CCDC60: variants seen among roughly 807,000 people sequenced by gnomAD.
CCDC60 encodes coiled-coil domain-containing protein 60.
CCDC60 carries 54 observed loss-of-function variants against 63.5 expected under a neutral mutation model. That is an observed-to-expected ratio of 0.85 (90% CI 0.68 to 1.07). The LOEUF (loss-of-function observed/expected upper bound fraction) is 1.07. Among genes scored for constraint, CCDC60 ranks in the 50% least tolerant of loss-of-function variants. The pLI is 0.00. For missense variants in CCDC60, 651 were observed against 684.3 expected (o/e 0.95, Z 0.54); for synonymous variants, 206 against 238.8 (o/e 0.86, Z 1.27).
intron 13 of CCDC60, among the ~76,000 whole-genome samples, chr12:119,539,819 C>T (rs565276482): frequency 6.6e-6 from 1 of 152,336 alleles, no homozygotes; most frequent in East Asian, 1.9e-4. Flanking sequence ...TGTGTAGGCA[C>T]CCAAGGGAAT....
chr12:119,522,687 C>T (rs1335734348), intron 9 of CCDC60, among the ~76,000 whole-genome samples: 1 of 152,182 alleles, frequency 6.6e-6, no homozygotes. Context: ...ACAGGACTTG[C>T]TGTGGACCGT....
At chr12:119,500,369 A>G (rs1352713586) in intron 6 of CCDC60, among the ~76,000 whole-genome samples, 1 of 152,118 alleles carries the variant, frequency 6.6e-6, no homozygotes, top group Non-Finnish European at 1.5e-5. Flanking sequence ...AGGAGAAATG[A>G]CATTTGGCTG....
chr12:119,394,825 C>T (rs184967063), intron 1 of CCDC60, among the ~76,000 whole-genome samples: 1 of 152,298 alleles, frequency 6.6e-6, no homozygotes, highest in East Asian at 1.9e-4. Flanking sequence ...CAGATCCCTA[C>T]CTGAATAGGG....
At chr12:119,479,518 C>G in intron 4 of CCDC60, 1 of 279,230 alleles carries the variant, frequency 3.6e-6, no homozygotes, top group Admixed American at 4.9e-5. Context: ...AACATCTCAG[C>G]CTGTGCTCAG....
intron 2 of CCDC60, among the ~76,000 whole-genome samples, chr12:119,442,869 C>T (rs1187635044): frequency 6.6e-6 from 1 of 152,188 alleles, no homozygotes; most frequent in Non-Finnish European, 1.5e-5. Flanking sequence ...ACAAAATAAA[C>T]TTTTCTCATA....
chr12:119,448,169 T>C (rs1191562164), intron 2 of CCDC60, among the ~76,000 whole-genome samples: 4 of 151,608 alleles, frequency 2.6e-5, no homozygotes, highest in Admixed American at 6.6e-5. Flanking sequence ...TCCTATGTTG[T>C]CTTATCACCA....
At chr12:119,353,876 C>T (rs1359994143) in intron 1 of CCDC60, among the ~76,000 whole-genome samples, 1 of 152,090 alleles carries the variant, frequency 6.6e-6, no homozygotes, top group Non-Finnish European at 1.5e-5. Context: ...AGTTTGAGAC[C>T]AGCCTGGCCA....
chr12:119,499,291 T>C (rs1951789311), intron 5 of CCDC60, among the ~76,000 whole-genome samples: 1 of 152,016 alleles, frequency 6.6e-6, no homozygotes, highest in African/African-American at 2.4e-5. Context: ...AGGATCCAGG[T>C]TTTGTGGAGC....
chr12:119,393,386 G>GGATTTTAT (rs1956194728), intron 1 of CCDC60, among the ~76,000 whole-genome samples: 1 of 152,184 alleles, frequency 6.6e-6, no homozygotes, highest in Non-Finnish European at 1.5e-5. Context: ...GCGTATTTCT[G>GGATTTTAT]ATTTTATACT....
intron 7 of CCDC60, among the ~76,000 whole-genome samples, chr12:119,513,671 C>G (rs142393726): frequency 6.6e-6 from 1 of 152,340 alleles, no homozygotes; most frequent in East Asian, 1.9e-4. Flanking sequence ...ACATATACGA[C>G]AGTGGTCCCA....
intron 2 of CCDC60, among the ~76,000 whole-genome samples, chr12:119,463,035 G>A (rs1950887763): frequency 6.6e-6 from 1 of 152,076 alleles, no homozygotes; most frequent in Non-Finnish European, 1.5e-5. Context: ...TGTTGGCCAG[G>A]CTGGTCTCGA....
chr12:119,348,725 A>G (rs765173149), intron 1 of CCDC60, among the ~76,000 whole-genome samples: 4 of 152,164 alleles, frequency 2.6e-5, no homozygotes, highest in Non-Finnish European at 5.9e-5. Context: ...AGCCATCTCC[A>G]TGTTCTGGTA....
intron 1 of CCDC60, among the ~76,000 whole-genome samples, chr12:119,387,059 CA>C (rs1956074807): frequency 6.6e-6 from 1 of 151,246 alleles, no homozygotes; most frequent in South Asian, 2.1e-4. Context: ...CACACACACA[CA>C]CACACACACA....
intron 5 of CCDC60, among the ~76,000 whole-genome samples, chr12:119,489,188 G>T (rs529550258): frequency 7.9e-4 from 120 of 152,122 alleles, no homozygotes; most frequent in African/African-American, 2.8e-3. Context: ...CACATCACTG[G>T]ATCCACAGCT....
At position 119,540,936 on chromosome 12, in the gene CCDC60, C is replaced by T; in HGVS notation, c.*221C>T. The T allele has an allele frequency of 4.3e-6, 2 of 464,892 alleles. No individual in the cohort carries two copies. Among genetic ancestry groups the T allele is most frequent in the South Asian group, 7.0e-5 (2 of 28,544 alleles). 28.8% of individuals were successfully genotyped at this position (464,892 alleles called of 1,614,324 possible). On this transcript the variant is annotated 3_prime_UTR_variant, in exon 14 of 14. Coordinates refer to ENST00000327554, the MANE Select transcript of CCDC60 (RefSeq NM_178499.5). ...ATTCCACACCCCAGACCCAACCTAC[C>T]AGTCTCTGTTCTTCAATGATCCAGC...
At chr12:119,513,099 A>G (rs1680765409) in intron 7 of CCDC60, among the ~76,000 whole-genome samples, 1 of 152,192 alleles carries the variant, frequency 6.6e-6, no homozygotes, top group African/African-American at 2.4e-5. Flanking sequence ...AAACATTAGG[A>G]AAAAGCGGTC....
chr12:119,457,895 TTTA>T (rs1323779949), intron 2 of CCDC60, among the ~76,000 whole-genome samples: 2 of 152,256 alleles, frequency 1.3e-5, no homozygotes, highest in Non-Finnish European at 2.9e-5. Flanking sequence ...CCAGGCTAGA[TTTA>T]TTAAGTTATT....
intron 13 of CCDC60, 132 bp from the exon 14 acceptor site, chr12:119,540,482 T>C (rs1953129451): frequency 2.9e-6 from 2 of 691,316 alleles, no homozygotes; most frequent in Non-Finnish European, 5.1e-6. Context: ...TCCAAGATTA[T>C]GAATGCCCAA....
chr12:119,500,817 G>A (rs893084057), intron 6 of CCDC60, among the ~76,000 whole-genome samples: 3 of 152,154 alleles, frequency 2.0e-5, no homozygotes, highest in Non-Finnish European at 4.4e-5. Flanking sequence ...TCCCACCACT[G>A]CACTCCAGCC....
Sources: allele counts gnomAD v4.1 joint callset (sites outside exome capture counted in the v4.1 genomes callset), GRCh38; gene constraint gnomAD v4.1.1; transcripts MANE v1.5; gene names NCBI Gene and HGNC (gene_info 2026-07-23, HGNC 2026-07-21).